The following PLCD3 variants were observed in gnomAD, a reference collection of about 807,000 sequenced individuals.
PLCD3 encodes phospholipase C delta 3.
In PLCD3, 62 loss-of-function variants were observed where a neutral mutation model predicts 82.8. The ratio of observed to expected loss-of-function variants is 0.75; its 90% CI spans 0.61 to 0.93. The LOEUF (loss-of-function observed/expected upper bound fraction) is 0.93, where lower values mean the gene tolerates loss of function less well. PLCD3 is among the 40% of genes least tolerant of loss of function. The pLI, the probability that PLCD3 is intolerant of heterozygous loss-of-function variation, is 0.00. For synonymous variants in PLCD3, 478 were observed against 471.8 expected (o/e 1.01, Z -0.17); for missense variants, 1,023 against 1,103.4 (o/e 0.93, Z 1.03).
Position 45,118,569 on chromosome 17 carries a change from C to G in PLCD3, c.914-77G>C. Reference sequence around the variant, plus strand: ...CAGCTTCCAATGCCCCCAAGGCCCACTCAGCTTAGGAATAATGACTAGACA... The same window carrying G: ...CAGCTTCCAATGCCCCCAAGGCCCAGTCAGCTTAGGAATAATGACTAGACA... On this transcript the variant is annotated intron_variant, in intron 5 of 14. Transcript: ENST00000619929. This position sits in a 1 kb window ranked among gnomAD's most constrained non-coding sequence, Gnocchi z 4.1. 1 of 1,522,164 alleles carries G rather than the reference C, an allele frequency of 6.6e-7. No individual in the cohort carries two copies. The highest frequency in any genetic ancestry group is 1.7e-5 in the Admixed American group (1 of 57,558). The allele number at this position is 1,522,164 out of a possible 1,614,324, so 94.3% of individuals were successfully genotyped here.
At chr17:45,131,259 G>A (rs8069937) in intron 1 of PLCD3, among the ~76,000 whole-genome samples, 69,861 of 152,032 alleles carry the variant, frequency 0.46, 16,395 homozygotes, top group South Asian at 0.54. Context: ...TTCTACACGG[G>A]GTCCCTGGCA....
In PLCD3 at chr17:45,112,262, C is replaced by G. The variant is rs770681798; in HGVS notation, c.*354G>C. The G allele has an allele frequency of 2.5e-5, 7 of 282,232 alleles. No individual in the cohort carries two copies. The highest frequency in any genetic ancestry group is 4.1e-5 in the Non-Finnish European group (6 of 145,184). 17.5% of individuals were successfully genotyped at this position (282,232 alleles called of 1,614,324 possible). A position where few individuals can be genotyped will look rare whatever the true frequency, so the allele number is the denominator to read the frequency against. On this transcript the variant is annotated 3_prime_UTR_variant, in exon 15 of 15. Transcript: ENST00000619929. ...GAGGCTGGGATGGCCCACGGGAGGA[C>G]AGAGGGGAACTGAGGGCCCACAAGT...
At chr17:45,123,966 C>CG (rs2054362190) in intron 1 of PLCD3, among the ~76,000 whole-genome samples, 1 of 147,106 alleles carries the variant, frequency 6.8e-6, no homozygotes, top group Non-Finnish European at 1.5e-5. Flanking sequence ...ACCCCCCCCC[C>CG]AACCAGGTCC....
intron 1 of PLCD3, among the ~76,000 whole-genome samples, chr17:45,125,642 G>A (rs553678003): frequency 6.6e-6 from 1 of 152,316 alleles, no homozygotes; most frequent in Non-Finnish European, 1.5e-5. Flanking sequence ...TGAGACAGAT[G>A]AGTGCATAAG....
At position 45,118,739 on chromosome 17, in the gene PLCD3, A is replaced by T; in HGVS notation, c.913+76T>A. 6.9e-7 allele frequency: 1 copy of T among 1,448,526 alleles called. No homozygotes were observed. Among genetic ancestry groups the T allele is most frequent in the Non-Finnish European group, 9.3e-7 (1 of 1,077,912 alleles). The allele number at this position is 1,448,526 out of a possible 1,614,324, so 89.7% of individuals were successfully genotyped here. On this transcript the variant is annotated intron_variant, in intron 5 of 14. Coordinates refer to ENST00000619929, the MANE Select transcript of PLCD3 (RefSeq NM_133373.5). This position sits in a 1 kb window ranked among gnomAD's most constrained non-coding sequence, Gnocchi z 4.1. ...ACCTGCCCGAGATGATGCCCGCGCC[A>T]GCCCGCAGCAGAACCCGCTTAGCTG...
chr17:45,116,752 C>T lies in PLCD3; in HGVS notation c.1293G>A (p.Glu431=), dbSNP rs1272058795. ...LSPYPVILSL[E]NHCGLEQQAA... ...CCTGCTGCTCCAGCCCGCAGTGGTTCTCCAGGGATAGGATGACAGGGTAAG... is the reference window on the plus strand; with the variant it reads ...CCTGCTGCTCCAGCCCGCAGTGGTTTTCCAGGGATAGGATGACAGGGTAAG... The change falls in exon 8 of 15, where the codon GAG becomes GAA. Residue 431 remains glutamate, a synonymous_variant. Coordinates refer to ENST00000619929, the MANE Select transcript of PLCD3 (RefSeq NM_133373.5). 9 of 1,607,968 alleles carry T rather than the reference C, an allele frequency of 5.6e-6. No homozygotes were observed. The South Asian group carries it at 9.9e-5, about 18-fold the overall frequency.
In PLCD3 at chr17:45,118,073, A is replaced by G; in HGVS notation, c.1181T>C (p.Val394Ala). The G allele has an allele frequency of 6.2e-7, 1 of 1,613,820 alleles. No homozygotes were observed. The highest frequency in any genetic ancestry group is 1.7e-5 in the Admixed American group (1 of 59,992). ...DCWEGPGGEP[V>A]IYHGHTLTSK... ...GGTGAGGGTATGGCCATGATAGATG[A>G]CGGGCTCCCCTCCTGGCCCCTCCCA... The change falls in exon 7 of 15, where the codon GTC (valine) becomes GCC (alanine). Residue 394 changes from valine to alanine, a missense_variant. Val to Ala is a moderately conservative substitution (Grantham distance 64, BLOSUM62 0). This residue lies in a region of PLCD3 where 553 missense variants were observed against 655.7 expected (regional missense o/e 0.84). Transcript: ENST00000619929. This position sits in a 1 kb window ranked among gnomAD's most constrained non-coding sequence, Gnocchi z 4.1.
intron 8 of PLCD3, among the ~76,000 whole-genome samples, chr17:45,116,372 A>G (rs966542027): frequency 6.6e-6 from 1 of 152,090 alleles, no homozygotes; most frequent in Non-Finnish European, 1.5e-5. Flanking sequence ...CTCTACGGGC[A>G]GGGACACAGG....
Position 45,118,519 on chromosome 17 carries a change from A to G in PLCD3, c.914-27T>C, listed in dbSNP as rs1250477341. The G allele has an allele frequency of 6.2e-7, 1 of 1,611,584 alleles. No homozygotes were observed. Among genetic ancestry groups the G allele is most frequent in the Non-Finnish European group, 8.5e-7 (1 of 1,178,514 alleles). ...TGCAGGGGTGGCAGGAGAGGGCATCAGGCCACATAGGGATCCCCCATGTCC... is the reference window on the plus strand; with the variant it reads ...TGCAGGGGTGGCAGGAGAGGGCATCGGGCCACATAGGGATCCCCCATGTCC... On this transcript the variant is annotated intron_variant, in intron 5 of 14. Coordinates refer to ENST00000619929, the MANE Select transcript of PLCD3 (RefSeq NM_133373.5). The surrounding 1 kb of genome is among the most constrained non-coding windows in gnomAD (Gnocchi z 4.1).
Position 45,115,133 on chromosome 17 carries a change from G to A in PLCD3, c.1672C>T (p.Leu558Phe), listed in dbSNP as rs768472868. The A allele has an allele frequency of 6.2e-6, 10 of 1,602,134 alleles. No homozygotes were observed. The African/African-American group carries it at 1.3e-4, about 21-fold the overall frequency. ...AGTTTCTTGGCTTTGCGCTCGCTGA[G>A]GGAGCTGACCTGGCAGGGTTGTGGG... ...NAPQPCQVSS[L>F]SERKAKKLIR... is the part of the protein sequence containing the mutation. Residue 558 changes from leucine to phenylalanine, a missense_variant, in exon 10 of 15, where the codon CTC (leucine) becomes TTC (phenylalanine). Physicochemically the swap from Leu to Phe is conservative, Grantham distance 22. Transcript: ENST00000619929.
Position 45,118,885 on chromosome 17 carries a change from GTCC to G in PLCD3, c.840_842del (p.Glu280del). 1 of 1,612,434 alleles carries G rather than the reference GTCC, an allele frequency of 6.2e-7. No individual in the cohort carries two copies. The highest frequency in any genetic ancestry group is 8.5e-7 in the Non-Finnish European group (1 of 1,179,832). The stretch of plus-strand genomic sequence containing the variant: ...CCAGTGTGGCGCCCTCCTCGCCCTG[GTCC>G]TCCAGGAACTCCAGCAGCTCAGGGG... On this transcript the variant is annotated inframe_deletion, in exon 5 of 15. Transcript: ENST00000619929. This position sits in a 1 kb window ranked among gnomAD's most constrained non-coding sequence, Gnocchi z 4.1.
intron 1 of PLCD3, among the ~76,000 whole-genome samples, chr17:45,122,416 C>G (rs2054348798): frequency 1.3e-5 from 2 of 152,220 alleles, no homozygotes; most frequent in Non-Finnish European, 2.9e-5. Context: ...AACTGAGGCT[C>G]AGGGAAGCTT....
chr17:45,126,660 T>C (rs992791792), intron 1 of PLCD3, among the ~76,000 whole-genome samples: 2 of 145,190 alleles, frequency 1.4e-5, no homozygotes, highest in African/African-American at 5.0e-5. Context: ...CATTGTATAC[T>C]TTTTTTTTTT....
chr17:45,113,159 G>A lies in PLCD3; in HGVS notation c.2094C>T (p.Asp698=). Residue 698 remains aspartate, a synonymous_variant, in exon 13 of 15, where the codon GAC becomes GAT. Coordinates refer to ENST00000619929, the MANE Select transcript of PLCD3 (RefSeq NM_133373.5). ...VRIEIHGVPA[D]CARQETDYVL... Reference sequence around the variant, plus strand: ...CGTAGTCAGTCTCCTGCCGGGCACAGTCTGCGGGCACCCCATGGATCTCAA... The same window carrying A: ...CGTAGTCAGTCTCCTGCCGGGCACAATCTGCGGGCACCCCATGGATCTCAA... 1.2e-6 allele frequency: 2 copies of A among 1,613,272 alleles called. No homozygotes were observed. Among genetic ancestry groups the A allele is most frequent in the Non-Finnish European group, 1.7e-6 (2 of 1,179,670 alleles).
chr17:45,130,576 G>A (rs976033217), intron 1 of PLCD3, among the ~76,000 whole-genome samples: 1 of 152,152 alleles, frequency 6.6e-6, no homozygotes, highest in Non-Finnish European at 1.5e-5. Flanking sequence ...GACACCTGTC[G>A]ATCACAGAGT....
chr17:45,119,166 G>T, intron 4 of PLCD3, 123 bp from the exon 5 acceptor site: 1 of 727,134 alleles, frequency 1.4e-6, no homozygotes, highest in Non-Finnish European at 2.2e-6. Flanking sequence ...TGGAAAAACA[G>T]AGTAAGACTT....
At chr17:45,119,463 TG>T (rs1355408105) in intron 4 of PLCD3, among the ~76,000 whole-genome samples, 9 of 152,286 alleles carry the variant, frequency 5.9e-5, no homozygotes, top group Admixed American at 4.6e-4. Context: ...CTCAAACTCC[TG>T]GCTTCAAGCA....
chr17:45,123,150 C>T (rs1386977901), intron 1 of PLCD3, among the ~76,000 whole-genome samples: 2 of 152,148 alleles, frequency 1.3e-5, no homozygotes, highest in African/African-American at 4.8e-5. Flanking sequence ...CAAATTCTGA[C>T]CTAAGGAATT....
Position 45,120,923 on chromosome 17 carries a change from C to T in PLCD3, c.533G>A (p.Ser178Asn). ...TKLRARLDAM[S>N]QRERLDHWIH... ...ATATTGGTCTAGCCGCTCGCGCTGG[C>T]TCATGGCGTCCAGGCGCGCGCGGAG... Residue 178 changes from serine (S) to asparagine (N), a missense_variant, in exon 3 of 15, where the codon AGC becomes AAC. This residue lies in a region of PLCD3 where 448 missense variants were observed against 406.3 expected (regional missense o/e 1.10). Transcript: ENST00000619929. 6.9e-7 allele frequency: 1 copy of T among 1,454,336 alleles called. No homozygotes were observed. Among genetic ancestry groups the T allele is most frequent in the Non-Finnish European group, 9.0e-7 (1 of 1,110,668 alleles). 90.1% of individuals were successfully genotyped at this position (1,454,336 alleles called of 1,614,324 possible). A position where few individuals can be genotyped will look rare whatever the true frequency, so the allele number is the denominator to read the frequency against.
Sources: gnomAD v4.1 joint callset for allele counts (sites outside exome capture counted in the v4.1 genomes callset) on GRCh38, gnomAD v4.1.1 for gene constraint, gnomAD v4.1.1 regional missense constraint, Gnocchi (gnomAD v3.1) non-coding constraint, MANE v1.5 for transcripts, NCBI Gene and HGNC (gene_info 2026-07-23, HGNC 2026-07-21) for gene names.